Variants in ASIC2 observed in about 807,000 individuals in gnomAD.
ASIC2 encodes acid sensing ion channel subunit 2.
Under a neutral mutation model 57.3 loss-of-function variants are expected in ASIC2, and 25 were observed. That is an observed-to-expected ratio of 0.44 (90% CI 0.32 to 0.61). ASIC2 has a LOEUF of 0.61. ASIC2 is among the 20% of genes least tolerant of loss of function. The pLI is 0.06. For synonymous variants in ASIC2, 319 were observed against 307.5 expected (o/e 1.04, Z -0.39); for missense variants, 641 against 738.1 (o/e 0.87, Z 1.52).
intron 1 of ASIC2, among the ~76,000 whole-genome samples, chr17:33,687,543 A>G (rs950517518): frequency 1.3e-5 from 2 of 152,166 alleles, no homozygotes; most frequent in East Asian, 3.9e-4. Flanking sequence ...ATTGTGGAAG[A>G]GGAGAAGATG....
At chr17:33,154,682 C>T (rs1307746425) in intron 1 of ASIC2, among the ~76,000 whole-genome samples, 1 of 152,196 alleles carries the variant, frequency 6.6e-6, no homozygotes, top group Non-Finnish European at 1.5e-5. Flanking sequence ...GTGTTCCAAA[C>T]ACAGCTGTAG....
chr17:33,759,353 A>G (rs946117281), intron 1 of ASIC2, among the ~76,000 whole-genome samples: 2 of 152,228 alleles, frequency 1.3e-5, no homozygotes, highest in Non-Finnish European at 1.5e-5. Context: ...CTTCATGATT[A>G]CTTCTAACTT....
At chr17:33,230,680 G>C (rs571594255) in intron 1 of ASIC2, among the ~76,000 whole-genome samples, 24 of 152,194 alleles carry the variant, frequency 1.6e-4, no homozygotes, top group African/African-American at 5.8e-4. Flanking sequence ...TATTGTGTAA[G>C]CTGTCACACA....
intron 1 of ASIC2, among the ~76,000 whole-genome samples, chr17:33,312,040 T>C (rs1906447296): frequency 6.6e-6 from 1 of 152,182 alleles, no homozygotes; most frequent in African/African-American, 2.4e-5. Flanking sequence ...GTCAAGCATA[T>C]AAAGACCTAG....
intron 1 of ASIC2, among the ~76,000 whole-genome samples, chr17:34,086,572 G>A (rs572545032): frequency 2.6e-5 from 4 of 152,304 alleles, no homozygotes; most frequent in Non-Finnish European, 4.4e-5. Context: ...GTGCAGAGCT[G>A]AGTTCAATTC....
intron 1 of ASIC2, among the ~76,000 whole-genome samples, chr17:33,908,707 T>C (rs1364491041): frequency 6.6e-6 from 1 of 152,234 alleles, no homozygotes; most frequent in Admixed American, 6.5e-5. Flanking sequence ...AAACATTACC[T>C]TTCCATTTCA....
chr17:33,178,732 T>C (rs1377731648), intron 1 of ASIC2, among the ~76,000 whole-genome samples: 1 of 152,220 alleles, frequency 6.6e-6, no homozygotes, highest in Non-Finnish European at 1.5e-5. Context: ...GTTTCCAATG[T>C]TCCTTTTTGA....
chr17:33,632,845 G>A lies in ASIC2; in HGVS notation c.556-520778C>T, dbSNP rs112879212. Among the ~76,000 whole-genome samples the A allele has an allele frequency of 3.3e-5, 5 of 152,224 alleles. 1 individual carries two copies. The highest frequency in any genetic ancestry group is 1.2e-4 in the African/African-American group (5 of 41,526). ...AATAATAACAGCTGCTATTTATGTT[G>A]CATTTACTTTCTACTTGTAGATGAC... On this transcript the variant is annotated intron_variant, in intron 1 of 9. Coordinates refer to the ASIC2 transcript ENST00000359872.
intron 1 of ASIC2, among the ~76,000 whole-genome samples, chr17:34,107,904 A>G (rs1422519062): frequency 6.6e-6 from 1 of 152,190 alleles, no homozygotes; most frequent in Non-Finnish European, 1.5e-5. Flanking sequence ...AAAATACGTA[A>G]TTAGAAAAGT....
At chr17:34,021,915 G>A (rs1267046834) in intron 1 of ASIC2, among the ~76,000 whole-genome samples, 1 of 144,432 alleles carries the variant, frequency 6.9e-6, no homozygotes, top group Non-Finnish European at 1.5e-5. Context: ...TCGGCTCACT[G>A]CAAACTCCAC....
intron 1 of ASIC2, among the ~76,000 whole-genome samples, chr17:33,249,001 G>A (rs997361833): frequency 2.0e-5 from 3 of 152,200 alleles, no homozygotes; most frequent in African/African-American, 7.2e-5. Context: ...GGGGCTTCTG[G>A]AGTCATCCAG....
chr17:33,611,643 A>C (rs528390626), intron 1 of ASIC2, among the ~76,000 whole-genome samples: 1 of 152,376 alleles, frequency 6.6e-6, no homozygotes, highest in Admixed American at 6.5e-5. Flanking sequence ...CTAAAGGGGC[A>C]GTGGCCATCT....
At chr17:33,247,710 AGGTTCCTCAGT>A (rs1908740066) in intron 1 of ASIC2, among the ~76,000 whole-genome samples, 1 of 152,206 alleles carries the variant, frequency 6.6e-6, no homozygotes, top group Non-Finnish European at 1.5e-5. Context: ...AGCCAAGAGT[AGGTTCCTCAGT>A]GGTTGTGTAA....
chr17:33,031,711 T>C (rs367637366), intron 3 of ASIC2, among the ~76,000 whole-genome samples: 8 of 152,196 alleles, frequency 5.3e-5, no homozygotes, highest in African/African-American at 1.9e-4. Flanking sequence ...AACATCTAAC[T>C]ATGACTATGG....
chr17:33,865,343 C>CT (rs1914203529), intron 1 of ASIC2, among the ~76,000 whole-genome samples: 1 of 152,142 alleles, frequency 6.6e-6, no homozygotes, highest in Admixed American at 6.5e-5. Flanking sequence ...TGTTTCCTTC[C>CT]TTTTTCACAA....
chr17:33,176,054 AGG>A, intron 1 of ASIC2, among the ~76,000 whole-genome samples: 1 of 152,302 alleles, frequency 6.6e-6, no homozygotes, highest in South Asian at 2.1e-4. Context: ...CTCTCTGCAC[AGG>A]CTGTTTCCCC....
intron 1 of ASIC2, among the ~76,000 whole-genome samples, chr17:33,151,800 C>A (rs771167056): frequency 1.8e-4 from 27 of 152,312 alleles, no homozygotes; most frequent in South Asian, 4.2e-4. Context: ...TTGGACTTCC[C>A]AGCCGCGGAA....
At chr17:33,982,149 T>C (rs1905648883) in intron 1 of ASIC2, among the ~76,000 whole-genome samples, 1 of 152,204 alleles carries the variant, frequency 6.6e-6, no homozygotes, top group African/African-American at 2.4e-5. Context: ...CCTGGAGCCA[T>C]TGCTTGGAAA....
chr17:33,973,903 T>C (rs1905292985), intron 1 of ASIC2, among the ~76,000 whole-genome samples: 1 of 152,050 alleles, frequency 6.6e-6, no homozygotes, highest in African/African-American at 2.4e-5. Flanking sequence ...CCCACTCCCC[T>C]TACCCCAGGA....
Sources: gnomAD v4.1 joint callset for allele counts (sites outside exome capture counted in the v4.1 genomes callset) on GRCh38, gnomAD v4.1.1 for gene constraint, MANE v1.5 for transcripts, NCBI Gene and HGNC (gene_info 2026-07-23, HGNC 2026-07-21) for gene names.